ATG16L1: variants seen among roughly 807,000 people sequenced by gnomAD.
The protein encoded by ATG16L1 is autophagy-related protein 16-1.
Under a neutral mutation model 88.5 loss-of-function variants are expected in ATG16L1, and 37 were observed. The ratio of observed to expected loss-of-function variants is 0.42; its 90% CI spans 0.32 to 0.55. ATG16L1 has a LOEUF of 0.55. Among genes scored for constraint, ATG16L1 ranks in the 20% least tolerant of loss-of-function variants. The probability of loss-of-function intolerance (pLI) is 0.13; values close to 1 mark genes in which losing one functional copy is unlikely to be tolerated. For missense variants in ATG16L1, 554 were observed against 752.8 expected (o/e 0.74, Z 3.09); for synonymous variants, 301 against 281.0 (o/e 1.07, Z -0.71).
intron 11 of ATG16L1, among the ~76,000 whole-genome samples, chr2:233,282,014 C>A (rs1698750231): frequency 6.6e-6 from 1 of 152,282 alleles, no homozygotes; most frequent in African/African-American, 2.4e-5. Context: ...TCTAAATAAC[C>A]ACTCCTTGAA....
Position 233,293,192 on chromosome 2 carries a change from C to G in ATG16L1, c.1629-64C>G, listed in dbSNP as rs992936037. The stretch of plus-strand genomic sequence containing the variant: ...CAAACATTCCTTCTTGGGAAAAAGG[C>G]CACAGAGATGCTGAATTGGGGGTGG... On this transcript the variant is annotated intron_variant, in intron 16 of 17. Coordinates refer to ENST00000392017, the MANE Select transcript of ATG16L1 (RefSeq NM_030803.7). 30 of 1,390,016 alleles carry G rather than the reference C, an allele frequency of 2.2e-5. No individual in the cohort carries two copies. In the African/African-American group the frequency reaches 4.1e-4, roughly 19 times the overall value. 86.1% of individuals were successfully genotyped at this position (1,390,016 alleles called of 1,614,324 possible). A position where few individuals can be genotyped will look rare whatever the true frequency, so the allele number is the denominator to read the frequency against.
chr2:233,255,975 T>G (rs1696751748), intron 1 of ATG16L1, 127 bp from the exon 2 acceptor site: 2 of 699,162 alleles, frequency 2.9e-6, no homozygotes, highest in African/African-American at 3.6e-5. Context: ...GGTGATTCTG[T>G]AGGTTACTGT....
At chr2:233,284,474 G>A (rs1698943595) in intron 12 of ATG16L1, among the ~76,000 whole-genome samples, 1 of 152,292 alleles carries the variant, frequency 6.6e-6, no homozygotes, top group Admixed American at 6.5e-5. Flanking sequence ...TGGGACTACA[G>A]GCACGTGCCA....
At chr2:233,265,492 CAG>C (rs1697502483) in intron 5 of ATG16L1, among the ~76,000 whole-genome samples, 1 of 152,140 alleles carries the variant, frequency 6.6e-6, no homozygotes, top group South Asian at 2.1e-4. Context: ...TTTTTTGAGA[CAG>C]AGTCTCGCTC....
At chr2:233,258,001 CAAAAAAA>C (rs57141358) in intron 2 of ATG16L1, among the ~76,000 whole-genome samples, 201 of 88,804 alleles carry the variant, frequency 2.3e-3, no homozygotes, top group Non-Finnish European at 3.1e-3. Flanking sequence ...GACTCCGTCT[CAAAAAAA>C]AAAAAAAAAT....
intron 7 of ATG16L1, chr2:233,273,259 A>G: frequency 1.8e-6 from 1 of 554,934 alleles, no homozygotes; most frequent in Non-Finnish European, 3.2e-6. Context: ...GGGTGGCTTC[A>G]AATGCTTCTA....
At chr2:233,256,046 C>A in intron 1 of ATG16L1, 56 bp from the exon 2 acceptor site, 1 of 1,381,894 alleles carries the variant, frequency 7.2e-7, no homozygotes. Context: ...AGGTACCTAG[C>A]AAGTGTACAT....
intron 6 of ATG16L1, among the ~76,000 whole-genome samples, chr2:233,272,114 C>G (rs1210886635): frequency 6.6e-6 from 1 of 152,160 alleles, no homozygotes; most frequent in Non-Finnish European, 1.5e-5. Flanking sequence ...GTGATGAAAT[C>G]TTGGGTTATT....
chr2:233,280,440 C>T (rs1217494835), intron 10 of ATG16L1, among the ~76,000 whole-genome samples: 1 of 152,158 alleles, frequency 6.6e-6, no homozygotes, highest in East Asian at 1.9e-4. Context: ...ATAAAGTGGA[C>T]AGTGGCTCTG....
Position 233,292,134 on chromosome 2 carries a change from G to C in ATG16L1, c.1437G>C (p.Glu479Asp). 6.2e-7 allele frequency: 1 copy of C among 1,614,214 alleles called. No individual in the cohort carries two copies. Among genetic ancestry groups the C allele is most frequent in the Non-Finnish European group, 8.5e-7 (1 of 1,180,040 alleles). The change falls in exon 15 of 18, where the codon GAG (glutamate) becomes GAC (aspartate). Residue 479 changes from glutamate to aspartate, a missense_variant. Glu to Asp is a conservative substitution (Grantham distance 45). Around this residue, in one of 5 missense-constraint regions of ATG16L1, gnomAD observed 370 missense variants for 509.7 expected, o/e 0.73. Transcript: ENST00000392017. ...KKIRFWDIRSESIVREMELLG... is the reference protein window; with the variant it reads ...KKIRFWDIRSDSIVREMELLG... ...GATCTGTTCTCCCTCTTAGATCAGA[G>C]AGCATAGTTCGAGAGATGGAGCTGT...
chr2:233,285,355 A>G (rs1439445786), intron 12 of ATG16L1, among the ~76,000 whole-genome samples: 1 of 152,230 alleles, frequency 6.6e-6, no homozygotes, highest in African/African-American at 2.4e-5. Flanking sequence ...GAGGAGTCCT[A>G]TACAGGTGGG....
intron 1 of ATG16L1, 23 bp downstream of exon 1, chr2:233,251,965 G>A (rs1328587232): frequency 1.3e-6 from 2 of 1,513,720 alleles, no homozygotes; most frequent in South Asian, 2.4e-5. Context: ...GGTGCGGGCT[G>A]GGAGTGGGGC....
chr2:233,293,606 C>T (rs1699614624), intron 17 of ATG16L1, among the ~76,000 whole-genome samples: 1 of 101,246 alleles, frequency 9.9e-6, no homozygotes, highest in Non-Finnish European at 2.0e-5. Context: ...TATAGAAACA[C>T]ATCCCTGACT....
intron 2 of ATG16L1, among the ~76,000 whole-genome samples, chr2:233,256,934 T>A (rs953681418): frequency 6.6e-6 from 1 of 152,164 alleles, no homozygotes; most frequent in Non-Finnish European, 1.5e-5. Flanking sequence ...ACTCTTGACC[T>A]CAAATGATCC....
chr2:233,260,415 A>G (rs1697124384), intron 2 of ATG16L1, among the ~76,000 whole-genome samples: 1 of 152,086 alleles, frequency 6.6e-6, no homozygotes. Context: ...GATTGTAGTG[A>G]CCTCTGAAGT....
At chr2:233,269,737 G>T (rs774422734) in intron 5 of ATG16L1, among the ~76,000 whole-genome samples, 36 of 152,158 alleles carry the variant, frequency 2.4e-4, no homozygotes, top group Non-Finnish European at 4.0e-4. Context: ...GTCCCAGAAG[G>T]CAGGCCTCCT....
At chr2:233,256,535 G>A (rs560359142) in intron 2 of ATG16L1, among the ~76,000 whole-genome samples, 22 of 152,060 alleles carry the variant, frequency 1.4e-4, no homozygotes, top group Non-Finnish European at 2.5e-4. Context: ...ATTTCTGAGC[G>A]GGTTTGTGTA....
At chr2:233,276,894 G>A (rs1246759937) in intron 9 of ATG16L1, among the ~76,000 whole-genome samples, 2 of 152,258 alleles carry the variant, frequency 1.3e-5, no homozygotes, top group East Asian at 1.9e-4. Context: ...TTAAAATAAC[G>A]ACTGTCATTT....
chr2:233,281,120 A>T lies in ATG16L1; in HGVS notation c.1076A>T (p.Lys359Met). 6.2e-7 allele frequency: 1 copy of T among 1,602,946 alleles called. No homozygotes were observed. Among genetic ancestry groups the T allele is most frequent in the Non-Finnish European group, 8.5e-7 (1 of 1,176,628 alleles). ...WEVFGEKCEF[K>M]GSLSGSNAGI... ...TTTTATACAGAAAAATGTGAGTTCA[A>T]GGGTTCCCTATCTGGCAGTAATGCA... is the stretch of plus-strand genomic sequence containing the variant. Residue 359 changes from lysine (K) to methionine (M), a missense_variant, in exon 11 of 18, where the codon AAG becomes ATG. Transcript: ENST00000392017.
Sources: allele counts gnomAD v4.1 joint callset (sites outside exome capture counted in the v4.1 genomes callset), GRCh38; gene constraint gnomAD v4.1.1; regional missense constraint gnomAD v4.1.1; transcripts MANE v1.5; gene names NCBI Gene and HGNC (gene_info 2026-07-23, HGNC 2026-07-21).